PPP2R5E: variants seen among roughly 807,000 people sequenced by gnomAD.
PPP2R5E encodes protein phosphatase 2 regulatory subunit B'epsilon.
In PPP2R5E, 4 loss-of-function variants were observed where a neutral mutation model predicts 65.3. The observed-to-expected ratio is 0.06, with a 90% CI of 0.03 to 0.14. The LOEUF (loss-of-function observed/expected upper bound fraction) is 0.14, where lower values mean the gene tolerates loss of function less well. Among genes scored for constraint, PPP2R5E ranks in the 10% least tolerant of loss-of-function variants. The pLI, the probability that PPP2R5E is intolerant of heterozygous loss-of-function variation, is 1.00. For synonymous variants in PPP2R5E, 183 were observed against 187.4 expected, an observed-to-expected ratio of 0.98 and a Z score of 0.19; for missense variants, 274 against 556.1, an observed-to-expected ratio of 0.49 and a Z score of 5.10.
chr14:63,483,291 G>T (rs1225241402), intron 2 of PPP2R5E, among the ~76,000 whole-genome samples: 2 of 152,172 alleles, frequency 1.3e-5, no homozygotes, highest in Non-Finnish European at 2.9e-5. Context: ...ACATAAAGAA[G>T]ATAGATATTT....
chr14:63,491,482 TC>T (rs1245897236), intron 2 of PPP2R5E, among the ~76,000 whole-genome samples: 1 of 152,122 alleles, frequency 6.6e-6, no homozygotes, highest in Admixed American at 6.5e-5. Flanking sequence ...TAAAAATAGC[TC>T]ATTTTTATAT....
At chr14:63,428,318 GAGGTGCCAA>G in intron 3 of PPP2R5E, among the ~76,000 whole-genome samples, 1 of 152,232 alleles carries the variant, frequency 6.6e-6, no homozygotes, top group East Asian at 1.9e-4. Flanking sequence ...AAAATAACTA[GAGGTGCCAA>G]ATAGAACTCA....
intron 3 of PPP2R5E, among the ~76,000 whole-genome samples, chr14:63,430,030 G>A (rs1033553165): frequency 5.3e-5 from 8 of 152,064 alleles, no homozygotes; most frequent in African/African-American, 1.9e-4. Context: ...ATGAATCTAA[G>A]TAGATACGGT....
chr14:63,415,979 T>C (rs10148932), intron 4 of PPP2R5E, among the ~76,000 whole-genome samples: 2,072 of 152,312 alleles, frequency 0.014, 62 homozygotes, highest in African/African-American at 0.046. Flanking sequence ...TTTCAGAAAG[T>C]TTATGGCAAT....
chr14:63,408,245 A>G (rs1372006311), intron 5 of PPP2R5E, among the ~76,000 whole-genome samples: 1 of 125,888 alleles, frequency 7.9e-6, no homozygotes, highest in East Asian at 2.4e-4. Flanking sequence ...GCAATGGTGC[A>G]TTCAATAACC....
intron 13 of PPP2R5E, among the ~76,000 whole-genome samples, chr14:63,379,826 C>CTCTCTCTTTTTTTTT (rs528081976): frequency 1.0e-5 from 1 of 100,300 alleles, no homozygotes; most frequent in African/African-American, 5.2e-5. Flanking sequence ...TATTCTCTCT[C>CTCTCTCTTTTTTTTT]TTTTTTTTTT....
chr14:63,539,385 G>T, intron 2 of PPP2R5E, 144 bp downstream of exon 2: 2 of 790,060 alleles, frequency 2.5e-6, no homozygotes, highest in Non-Finnish European at 3.8e-6. Context: ...GGGTATATTT[G>T]GTCACACATT....
At chr14:63,439,438 G>T (rs565943901) in intron 3 of PPP2R5E, among the ~76,000 whole-genome samples, 1 of 151,840 alleles carries the variant, frequency 6.6e-6, no homozygotes. Context: ...GCAATGGCAC[G>T]ATCTCGGCTC....
intron 5 of PPP2R5E, among the ~76,000 whole-genome samples, chr14:63,400,485 G>T (rs1359628906): frequency 6.6e-6 from 1 of 152,122 alleles, no homozygotes; most frequent in Non-Finnish European, 1.5e-5. Context: ...TATCCAAACA[G>T]AAGATGTTGT....
chr14:63,461,983 T>C (rs930727181), intron 2 of PPP2R5E, among the ~76,000 whole-genome samples: 6 of 152,130 alleles, frequency 3.9e-5, no homozygotes, highest in African/African-American at 1.4e-4. Flanking sequence ...TTTGGGGATC[T>C]CTGAGCCATA....
intron 5 of PPP2R5E, among the ~76,000 whole-genome samples, chr14:63,409,018 G>T (rs1886242690): frequency 6.6e-6 from 1 of 152,108 alleles, no homozygotes; most frequent in Non-Finnish European, 1.5e-5. Context: ...GATCACCTGA[G>T]GTTGGGAGTT....
intron 5 of PPP2R5E, among the ~76,000 whole-genome samples, chr14:63,397,477 G>A (rs1885466442): frequency 7.2e-6 from 1 of 138,934 alleles, no homozygotes; most frequent in Non-Finnish European, 1.5e-5. Flanking sequence ...ACTCCAGCCT[G>A]GGCCATAGAG....
intron 2 of PPP2R5E, among the ~76,000 whole-genome samples, chr14:63,468,647 G>A (rs942052825): frequency 3.3e-5 from 5 of 152,082 alleles, no homozygotes; most frequent in African/African-American, 1.2e-4. Flanking sequence ...ACACATCAAG[G>A]CTTCTTCTGA....
intron 13 of PPP2R5E, among the ~76,000 whole-genome samples, chr14:63,377,306 A>G (rs569424434): frequency 2.6e-5 from 4 of 152,348 alleles, no homozygotes; most frequent in African/African-American, 9.6e-5. Context: ...CAGCCACAGT[A>G]CAATTTCTAC....
intron 2 of PPP2R5E, among the ~76,000 whole-genome samples, chr14:63,503,728 TA>T (rs1360591444): frequency 6.6e-6 from 1 of 152,226 alleles, no homozygotes; most frequent in Non-Finnish European, 1.5e-5. Flanking sequence ...AAATCATTAA[TA>T]ACCTGTCTTC....
intron 5 of PPP2R5E, among the ~76,000 whole-genome samples, chr14:63,406,539 A>G (rs1446781646): frequency 2.0e-5 from 3 of 152,152 alleles, no homozygotes; most frequent in Non-Finnish European, 2.9e-5. Context: ...CTAGAGACCA[A>G]CCGTTACTGG....
At chr14:63,513,548 G>A (rs1370593215) in intron 2 of PPP2R5E, among the ~76,000 whole-genome samples, 1 of 152,136 alleles carries the variant, frequency 6.6e-6, no homozygotes, top group Non-Finnish European at 1.5e-5. Flanking sequence ...TTCACTTCCT[G>A]CATATTAAAA....
intron 2 of PPP2R5E, among the ~76,000 whole-genome samples, chr14:63,516,680 G>C (rs1892684043): frequency 6.6e-6 from 1 of 152,162 alleles, no homozygotes; most frequent in African/African-American, 2.4e-5. Context: ...AAGATACCAA[G>C]ATCATCACAC....
At chr14:63,393,605 G>A (rs372819250) in intron 8 of PPP2R5E, among the ~76,000 whole-genome samples, 19 of 152,138 alleles carry the variant, frequency 1.2e-4, no homozygotes, top group East Asian at 5.8e-4. Flanking sequence ...ACAGCTACTC[G>A]GGAGGCTGAG....
Sources: gnomAD v4.1 joint callset for allele counts (sites outside exome capture counted in the v4.1 genomes callset) on GRCh38, gnomAD v4.1.1 for gene constraint, MANE v1.5 for transcripts, NCBI Gene and HGNC (gene_info 2026-07-23, HGNC 2026-07-21) for gene names.